The following PARD3 variants were observed in gnomAD, a reference collection of about 807,000 sequenced individuals.
PARD3 encodes partitioning defective 3 homolog.
A neutral mutation model predicts 155.4 loss-of-function variants in PARD3; 75 were observed. The ratio of observed to expected loss-of-function variants is 0.48; its 90% CI spans 0.40 to 0.58. PARD3 has a LOEUF of 0.58. PARD3 is among the 20% of genes least tolerant of loss of function. The pLI, the probability that PARD3 is intolerant of heterozygous loss-of-function variation, is 0.00. For missense variants in PARD3, 1,642 were observed against 1,721.7 expected, an observed-to-expected ratio of 0.95 and a Z score of 0.82; for synonymous variants, 576 against 610.5, an observed-to-expected ratio of 0.94 and a Z score of 0.83.
chr10:34,586,758 C>T (rs967335643), intron 2 of PARD3, among the ~76,000 whole-genome samples: 4 of 152,102 alleles, frequency 2.6e-5, no homozygotes, highest in Admixed American at 6.5e-5. Context: ...GACCAGCCCT[C>T]CAGCCTGGGC....
At chr10:34,339,379 A>C (rs1216238541) in intron 16 of PARD3, among the ~76,000 whole-genome samples, 1 of 151,962 alleles carries the variant, frequency 6.6e-6, no homozygotes, top group Admixed American at 6.6e-5. Flanking sequence ...AAAACAAAAC[A>C]AAAAAAACCT....
chr10:34,490,495 G>A (rs114691165), intron 3 of PARD3, among the ~76,000 whole-genome samples: 6 of 152,118 alleles, frequency 3.9e-5, no homozygotes, highest in African/African-American at 1.4e-4. Context: ...ACAGAAATGC[G>A]TTGGGTGCCC....
chr10:34,163,424 A>T (rs1036730), intron 22 of PARD3, among the ~76,000 whole-genome samples: 29,759 of 152,198 alleles, frequency 0.2, 3,796 homozygotes, highest in Non-Finnish European at 0.26. Context: ...ATGAAAAGAT[A>T]GCACAGGCAA....
At chr10:34,247,674 A>C (rs559286705) in intron 22 of PARD3, among the ~76,000 whole-genome samples, 17 of 149,762 alleles carry the variant, frequency 1.1e-4, no homozygotes, top group Admixed American at 9.2e-4. Context: ...TGATGGTAAC[A>C]AGGAGGCTTG....
Position 34,315,935 on chromosome 10 carries a change from AT to A in PARD3, c.3065+1171del, listed in dbSNP as rs776326313. 1.2e-4 allele frequency among the ~76,000 whole-genome samples: 19 copies of A among 152,160 alleles called. 1 individual carries two copies. Among genetic ancestry groups the A allele is most frequent in the Non-Finnish European group, 2.1e-4 (14 of 68,030 alleles). On this transcript the variant is annotated intron_variant, in intron 20 of 24. Coordinates refer to ENST00000374788, the MANE Select transcript of PARD3 (RefSeq NM_001184785.2). ...GTCTAGAGTTAACTCTCCTTCTTCT[AT>A]GCACTTAATCAGACATCTACAGAAC...
At chr10:34,645,786 CG>C (rs1213284034) in intron 2 of PARD3, among the ~76,000 whole-genome samples, 43 of 152,110 alleles carry the variant, frequency 2.8e-4, no homozygotes, top group African/African-American at 1.0e-3. Context: ...TGTGGACAAA[CG>C]AAAGGTTATC....
Position 34,751,184 on chromosome 10 carries a change from C to T in PARD3, c.121-54765G>A, listed in dbSNP as rs991904849. 1.5e-4 allele frequency among the ~76,000 whole-genome samples: 22 copies of T among 151,072 alleles called. 1 individual carries two copies. The highest frequency in any genetic ancestry group is 2.7e-4 in the Non-Finnish European group (18 of 67,848). Reference sequence around the variant, plus strand: ...TCAGCTGCAAAATGGGGATAATACCCTCAACTGAGCTGTTACAAGTATTAA... The same window carrying T: ...TCAGCTGCAAAATGGGGATAATACCTTCAACTGAGCTGTTACAAGTATTAA... On this transcript the variant is annotated intron_variant, in intron 1 of 24. Coordinates refer to ENST00000374788, the MANE Select transcript of PARD3 (RefSeq NM_001184785.2).
At chr10:34,169,438 G>A (rs1949685368) in intron 22 of PARD3, among the ~76,000 whole-genome samples, 1 of 152,116 alleles carries the variant, frequency 6.6e-6, no homozygotes, top group Non-Finnish European at 1.5e-5. Context: ...TCATCTCTTA[G>A]TTTTACTGAC....
intron 14 of PARD3, 53 bp downstream of exon 14, chr10:34,359,094 G>T: frequency 3.4e-6 from 5 of 1,453,808 alleles, no homozygotes; most frequent in Non-Finnish European, 3.8e-6. Context: ...AATTAGGACA[G>T]AAATGTAGTT....
At position 34,572,509 on chromosome 10, in the gene PARD3, T is replaced by C. The variant is rs2134166646; in HGVS notation, c.223-55350A>G. ...ACAAAAATTAGCCAGGTGTGGTGGG[T>C]GCGCCTGCAGTCCCAGCTACTCAGG... On this transcript the variant is annotated intron_variant, in intron 2 of 24. Transcript: ENST00000374788. Among the ~76,000 whole-genome samples, 4 of 149,502 alleles carry C rather than the reference T, an allele frequency of 2.7e-5. No homozygotes were observed. The Middle Eastern group carries it at 0.014, about 509-fold the overall frequency.
At chr10:34,518,810 C>A (rs2081947547) in intron 2 of PARD3, among the ~76,000 whole-genome samples, 1 of 152,058 alleles carries the variant, frequency 6.6e-6, no homozygotes, top group Non-Finnish European at 1.5e-5. Context: ...ATGATAATAA[C>A]AGGATATTTG....
chr10:34,125,122 A>C (rs1305533858), intron 23 of PARD3, among the ~76,000 whole-genome samples: 5 of 149,614 alleles, frequency 3.3e-5, no homozygotes, highest in Non-Finnish European at 7.4e-5. Flanking sequence ...GTTAGAGTGC[A>C]ATGGCGTGAT....
At chr10:34,495,669 C>T (rs895892223) in intron 3 of PARD3, among the ~76,000 whole-genome samples, 1 of 152,126 alleles carries the variant, frequency 6.6e-6, no homozygotes, top group African/African-American at 2.4e-5. Context: ...CACACTGTCA[C>T]AGCAGAAAGT....
chr10:34,311,977 G>C (rs1176882207), intron 20 of PARD3, among the ~76,000 whole-genome samples: 2 of 152,106 alleles, frequency 1.3e-5, no homozygotes, highest in African/African-American at 2.4e-5. Context: ...CAACCAAATG[G>C]GTGGTGGCCC....
chr10:34,556,381 CTTTCTT>C (rs1564840030), intron 2 of PARD3, among the ~76,000 whole-genome samples: 2 of 129,952 alleles, frequency 1.5e-5, no homozygotes, highest in African/African-American at 7.3e-5. Flanking sequence ...TCCTTTTCTT[CTTTCTT>C]TTTTTTTTTT....
intron 19 of PARD3, among the ~76,000 whole-genome samples, chr10:34,324,672 A>G (rs1589180326): frequency 2.0e-5 from 3 of 152,292 alleles, no homozygotes; most frequent in South Asian, 2.1e-4. Flanking sequence ...ATTAGATTAC[A>G]TGTGGAAAGA....
intron 22 of PARD3, among the ~76,000 whole-genome samples, chr10:34,140,388 C>T (rs544500977): frequency 8.5e-5 from 13 of 152,202 alleles, no homozygotes; most frequent in Non-Finnish European, 1.5e-4. Flanking sequence ...CGTTCTCCCA[C>T]GGTACCTGTT....
chr10:34,205,716 G>A (rs908026359), intron 22 of PARD3, among the ~76,000 whole-genome samples: 1 of 152,172 alleles, frequency 6.6e-6, no homozygotes, highest in Admixed American at 6.5e-5. Context: ...AAGATGGGCA[G>A]GGACTCACCT....
chr10:34,610,908 G>C (rs1025524020), intron 2 of PARD3, among the ~76,000 whole-genome samples: 3 of 152,102 alleles, frequency 2.0e-5, no homozygotes, highest in African/African-American at 4.8e-5. Flanking sequence ...GGAGAGGTGG[G>C]GGGGAGTTTG....
Sources: allele counts gnomAD v4.1 joint callset (sites outside exome capture counted in the v4.1 genomes callset), GRCh38; gene constraint gnomAD v4.1.1; transcripts MANE v1.5; gene names NCBI Gene and HGNC (gene_info 2026-07-23, HGNC 2026-07-21).